The following LHPP variants were observed in gnomAD, a reference collection of about 807,000 sequenced individuals.
LHPP encodes hLHPP.
Under a neutral mutation model 30.3 loss-of-function variants are expected in LHPP, and 24 were observed. That is an observed-to-expected ratio of 0.79 (90% CI 0.57 to 1.11). The LOEUF is 1.11. LHPP is among the 50% of genes most tolerant of loss of function. LHPP has a pLI of 0.00. For missense variants in LHPP, 356 were observed against 367.2 expected (o/e 0.97, Z 0.25); for synonymous variants, 150 against 157.1 (o/e 0.95, Z 0.34).
intron 6 of LHPP, among the ~76,000 whole-genome samples, chr10:124,561,448 C>T (rs1258326226): frequency 1.3e-5 from 2 of 152,050 alleles, no homozygotes; most frequent in Non-Finnish European, 2.9e-5. Context: ...ACAAGACATC[C>T]CTTCCCCTCC....
At chr10:124,509,670 G>T (rs1954251576) in intron 5 of LHPP, among the ~76,000 whole-genome samples, 1 of 151,748 alleles carries the variant, frequency 6.6e-6, no homozygotes, top group Non-Finnish European at 1.5e-5. Context: ...CCAGGTCTCT[G>T]TGGGAGCCTG....
chr10:124,600,465 C>T (rs746453389), intron 6 of LHPP, among the ~76,000 whole-genome samples: 1 of 152,248 alleles, frequency 6.6e-6, no homozygotes, highest in African/African-American at 2.4e-5. Context: ...GGGTGGCCAG[C>T]ATGCCCACAC....
chr10:124,491,707 C>G (rs1953536261), intron 3 of LHPP, among the ~76,000 whole-genome samples: 1 of 152,192 alleles, frequency 6.6e-6, no homozygotes, highest in South Asian at 2.1e-4. Context: ...GGCAGATCAC[C>G]TGAGGCCAGG....
intron 6 of LHPP, among the ~76,000 whole-genome samples, chr10:124,556,187 AG>A (rs1004531922): frequency 1.2e-4 from 19 of 152,208 alleles, no homozygotes; most frequent in African/African-American, 4.3e-4. Context: ...CACCATCCAG[AG>A]GTGACGGTGA....
intron 6 of LHPP, among the ~76,000 whole-genome samples, chr10:124,534,006 A>G (rs1341017638): frequency 1.6e-5 from 2 of 121,820 alleles, no homozygotes; most frequent in African/African-American, 6.3e-5. Context: ...CTGCCCATGC[A>G]GGCTCTAACG....
chr10:124,467,908 C>T (rs1404548667), intron 1 of LHPP, among the ~76,000 whole-genome samples: 1 of 152,080 alleles, frequency 6.6e-6, no homozygotes, highest in Admixed American at 6.6e-5. Flanking sequence ...CGGGGTTTCA[C>T]CATGTTGACC....
chr10:124,559,644 G>A (rs1262029721), intron 6 of LHPP, among the ~76,000 whole-genome samples: 16 of 152,282 alleles, frequency 1.1e-4, no homozygotes, highest in Admixed American at 6.5e-4. Flanking sequence ...GCTGGAAGCC[G>A]TCTTGCTGCG....
chr10:124,577,273 T>C (rs1485204518), intron 6 of LHPP, among the ~76,000 whole-genome samples: 1 of 152,130 alleles, frequency 6.6e-6, no homozygotes, highest in African/African-American at 2.4e-5. Flanking sequence ...AACCCAAGAC[T>C]AGACCATCCC....
intron 5 of LHPP, among the ~76,000 whole-genome samples, chr10:124,513,912 T>C (rs140286539): frequency 2.5e-4 from 38 of 152,316 alleles, no homozygotes; most frequent in Middle Eastern, 6.8e-3. Flanking sequence ...CCCTCCACTC[T>C]ATGTAGGTGA....
intron 1 of LHPP, among the ~76,000 whole-genome samples, chr10:124,466,205 T>C (rs1952548169): frequency 6.6e-6 from 1 of 152,152 alleles, no homozygotes; most frequent in Admixed American, 6.5e-5. Flanking sequence ...AAGGAATGAG[T>C]ACCTTGTCTA....
At position 124,613,637 on chromosome 10, in the gene LHPP, T is replaced by TGAA. The variant is rs1159619886; in HGVS notation, c.*279_*281dup. ...GGGCCCTGACTTCAGCTCCCTGTAG[T>TGAA]GAAGTCCAGGAGGGTGGGACAGGCC... On this transcript the variant is annotated 3_prime_UTR_variant, in exon 7 of 7. Transcript: ENST00000368842. 3 of 530,516 alleles carry TGAA rather than the reference T, an allele frequency of 5.7e-6. No individual in the cohort carries two copies. The highest frequency in any genetic ancestry group is 1.0e-5 in the Non-Finnish European group (3 of 292,050). The allele number at this position is 530,516 out of a possible 1,614,324, so 32.9% of individuals were successfully genotyped here.
At chr10:124,554,359 C>A (rs1177480717) in intron 6 of LHPP, among the ~76,000 whole-genome samples, 3 of 152,092 alleles carry the variant, frequency 2.0e-5, no homozygotes, top group Non-Finnish European at 4.4e-5. Context: ...ACCACCACAC[C>A]GGCTAGTTTT....
chr10:124,562,735 C>T (rs1948414916), intron 6 of LHPP, among the ~76,000 whole-genome samples: 1 of 152,088 alleles, frequency 6.6e-6, no homozygotes, highest in African/African-American at 2.4e-5. Context: ...AGCTCGAGAA[C>T]AGCCTGGCCA....
At position 124,596,270 on chromosome 10, in the gene LHPP, A is replaced by C. The variant is rs1288784121; in HGVS notation, c.717-16994A>C. Among the ~76,000 whole-genome samples the C allele has an allele frequency of 6.6e-6, 1 of 151,910 alleles. No individual in the cohort carries two copies. On this transcript the variant is annotated intron_variant, in intron 6 of 6. Transcript: ENST00000368842. This position sits in a 1 kb window ranked among gnomAD's most constrained non-coding sequence, Gnocchi z 4.6. Reference sequence around the variant, plus strand: ...CCTCATTTCATGTGTGTGACTCAGGAGTGAGGTTGCTGGGTCCCGCGGCAT... The same window carrying C: ...CCTCATTTCATGTGTGTGACTCAGGCGTGAGGTTGCTGGGTCCCGCGGCAT...
At chr10:124,495,613 C>A (rs920614977) in intron 3 of LHPP, among the ~76,000 whole-genome samples, 4 of 152,182 alleles carry the variant, frequency 2.6e-5, no homozygotes, top group Admixed American at 1.3e-4. Flanking sequence ...AGGGCACAGC[C>A]CCAGGGCAGC....
At chr10:124,600,860 TA>T (rs1269537855) in intron 6 of LHPP, among the ~76,000 whole-genome samples, 2 of 152,176 alleles carry the variant, frequency 1.3e-5, no homozygotes, top group African/African-American at 4.8e-5. Flanking sequence ...GTGTGCTCAT[TA>T]GGAGCCAAGG....
intron 5 of LHPP, among the ~76,000 whole-genome samples, chr10:124,508,992 C>T (rs1954234475): frequency 6.6e-6 from 1 of 152,058 alleles, no homozygotes; most frequent in Non-Finnish European, 1.5e-5. Flanking sequence ...AAGCCTAGTA[C>T]CTGTTGGGGT....
At chr10:124,562,719 G>A (rs1175595311) in intron 6 of LHPP, among the ~76,000 whole-genome samples, 2 of 152,192 alleles carry the variant, frequency 1.3e-5, no homozygotes, top group East Asian at 1.9e-4. Context: ...ATCACTTGAG[G>A]CCAGGAGCTC....
chr10:124,574,073 C>T, intron 6 of LHPP, among the ~76,000 whole-genome samples: 1 of 152,188 alleles, frequency 6.6e-6, no homozygotes, highest in East Asian at 1.9e-4. Context: ...AGCCCTGGTG[C>T]TGGCTCCTCC....
Sources: allele counts gnomAD v4.1 joint callset (sites outside exome capture counted in the v4.1 genomes callset), GRCh38; gene constraint gnomAD v4.1.1; non-coding constraint Gnocchi (gnomAD v3.1); transcripts MANE v1.5; gene names NCBI Gene and HGNC (gene_info 2026-07-23, HGNC 2026-07-21).